The following LMO7 variants were observed in gnomAD, a reference collection of about 807,000 sequenced individuals.
LMO7 encodes LIM domain 7.
LMO7 carries 120 observed loss-of-function variants against 206.5 expected under a neutral mutation model. The ratio of observed to expected loss-of-function variants is 0.58; its 90% CI spans 0.50 to 0.68. LMO7 has a LOEUF of 0.68. Among genes scored for constraint, LMO7 ranks in the 30% least tolerant of loss-of-function variants. LMO7 has a pLI of 0.00. For synonymous variants in LMO7, 706 were observed against 681.5 expected, an observed-to-expected ratio of 1.04 and a Z score of -0.56; for missense variants, 1,959 against 1,957.9, an observed-to-expected ratio of 1.00 and a Z score of -0.01.
intron 1 of LMO7, among the ~76,000 whole-genome samples, chr13:75,712,154 G>T (rs992531386): frequency 1.3e-4 from 20 of 152,182 alleles, no homozygotes; most frequent in African/African-American, 4.6e-4. Context: ...GATAGCTGGG[G>T]GATGGTGGTA....
chr13:75,651,395 C>T (rs1200680567), intron 1 of LMO7, among the ~76,000 whole-genome samples: 14 of 151,576 alleles, frequency 9.2e-5, no homozygotes, highest in African/African-American at 2.4e-4. Flanking sequence ...CTGTGACTTC[C>T]GCCTCCAGGA....
intron 16 of LMO7, 112 bp from the exon 17 acceptor site, chr13:75,834,114 G>T: frequency 2.7e-6 from 2 of 744,850 alleles, no homozygotes; most frequent in Non-Finnish European, 4.2e-6. Context: ...ACCTGAAAAA[G>T]AGAGAAATGG....
chr13:75,662,679 G>A (rs2038716915), intron 1 of LMO7, among the ~76,000 whole-genome samples: 1 of 151,346 alleles, frequency 6.6e-6, no homozygotes, highest in South Asian at 2.1e-4. Context: ...GGAATTTTTA[G>A]AAGCTGATTA....
intron 1 of LMO7, among the ~76,000 whole-genome samples, chr13:75,675,550 G>GTTTGT (rs760971884): frequency 4.6e-5 from 7 of 152,002 alleles, no homozygotes; most frequent in East Asian, 3.9e-4. Flanking sequence ...TTAGCATTTT[G>GTTTGT]TTTGTTTTGT....
intron 1 of LMO7, among the ~76,000 whole-genome samples, chr13:75,648,094 C>A (rs554954535): frequency 6.6e-6 from 1 of 151,410 alleles, no homozygotes; most frequent in African/African-American, 2.4e-5. Flanking sequence ...GCTATCGGTG[C>A]ACCACCACAC....
chr13:75,846,387 A>G (rs900076837), intron 26 of LMO7, among the ~76,000 whole-genome samples: 6 of 152,224 alleles, frequency 3.9e-5, no homozygotes, highest in Admixed American at 3.3e-4. Flanking sequence ...GTCCGTAACT[A>G]TAACCACATT....
At chr13:75,757,574 C>T (rs2047773828) in intron 3 of LMO7, among the ~76,000 whole-genome samples, 1 of 152,090 alleles carries the variant, frequency 6.6e-6, no homozygotes, top group Non-Finnish European at 1.5e-5. Context: ...CACTCCACCC[C>T]ACACCTGTTA....
chr13:75,760,379 T>C, intron 3 of LMO7: 1 of 1,057,212 alleles, frequency 9.5e-7, no homozygotes. Flanking sequence ...TCCTATAGTA[T>C]GGTTTCCCTG....
chr13:75,635,489 T>C (rs1450780157), upstream of LMO7, among the ~76,000 whole-genome samples: 1 of 150,260 alleles, frequency 6.7e-6, no homozygotes. Flanking sequence ...GGATACCGCA[T>C]AACCTGCCAC....
chr13:75,796,688 A>G lies in LMO7; in HGVS notation c.401A>G (p.Tyr134Cys), dbSNP rs1265494607. The change falls in exon 6 of 31, where the codon TAT (tyrosine) becomes TGT (cysteine). Residue 134 changes from tyrosine (Y) to cysteine (C), a missense_variant. Transcript: ENST00000377534. ...LGRKAQSNPY[Y>C]NGPHLNLKAF... Reference sequence around the variant, plus strand: ...AGAAAAGCACAAAGCAACCCGTACTATAATGGTCCCCATCTTAATTTGAAA... The same window carrying G: ...AGAAAAGCACAAAGCAACCCGTACTGTAATGGTCCCCATCTTAATTTGAAA... 1.2e-6 allele frequency: 2 copies of G among 1,613,862 alleles called. No homozygotes were observed. Among genetic ancestry groups the G allele is most frequent in the East Asian group, 2.2e-5 (1 of 44,844 alleles).
intron 3 of LMO7, among the ~76,000 whole-genome samples, chr13:75,734,143 A>G (rs751329434): frequency 6.6e-6 from 1 of 152,210 alleles, no homozygotes; most frequent in Non-Finnish European, 1.5e-5. Context: ...AATATTACCC[A>G]TAAAATGAAT....
intron 2 of LMO7, chr13:75,627,632 G>A (rs2034378596): frequency 6.6e-6 from 1 of 151,934 alleles, no homozygotes; most frequent in Non-Finnish European, 1.5e-5. Context: ...TGTATTTTAG[G>A]GAAAACTGGA....
intron 28 of LMO7, among the ~76,000 whole-genome samples, chr13:75,853,632 T>C (rs9600563): frequency 0.38 from 57,300 of 152,070 alleles, 11,035 homozygotes; most frequent in African/African-American, 0.46. Context: ...CTTGTTGCCA[T>C]CGTCTCATTT....
At chr13:75,812,295 A>T (rs1321341773) in intron 11 of LMO7, among the ~76,000 whole-genome samples, 1 of 152,224 alleles carries the variant, frequency 6.6e-6, no homozygotes, top group Non-Finnish European at 1.5e-5. Context: ...TTGCCTTTTT[A>T]TTATAGTGTA....
At chr13:75,734,264 C>T (rs1241136035) in intron 3 of LMO7, among the ~76,000 whole-genome samples, 1 of 152,086 alleles carries the variant, frequency 6.6e-6, no homozygotes, top group African/African-American at 2.4e-5. Flanking sequence ...TTTCAGAGGA[C>T]AATAATAATG....
chr13:75,845,857 G>A (rs915545765), intron 26 of LMO7, among the ~76,000 whole-genome samples: 3 of 152,162 alleles, frequency 2.0e-5, no homozygotes, highest in African/African-American at 7.2e-5. Context: ...TCTGAAGAAT[G>A]CATATAGCAG....
At chr13:75,708,926 T>G (rs956115302) in intron 1 of LMO7, among the ~76,000 whole-genome samples, 1 of 152,134 alleles carries the variant, frequency 6.6e-6, no homozygotes, top group Admixed American at 6.5e-5. Flanking sequence ...TAGGTATATC[T>G]CCTAATGCTA....
At chr13:75,763,090 T>A (rs1036444378) in intron 4 of LMO7, among the ~76,000 whole-genome samples, 1 of 152,170 alleles carries the variant, frequency 6.6e-6, no homozygotes, top group African/African-American at 2.4e-5. Flanking sequence ...CCTGTCATTA[T>A]TGTAGATCAA....
At chr13:75,643,416 G>A (rs115299350) in intron 1 of LMO7, among the ~76,000 whole-genome samples, 1,940 of 152,324 alleles carry the variant, frequency 0.013, 48 homozygotes, top group African/African-American at 0.044. Context: ...TGCTGATTGA[G>A]TTGTTTATGT....
Sources: gnomAD v4.1 joint callset for allele counts (sites outside exome capture counted in the v4.1 genomes callset) on GRCh38, gnomAD v4.1.1 for gene constraint, MANE v1.5 for transcripts, NCBI Gene and HGNC (gene_info 2026-07-23, HGNC 2026-07-21) for gene names.